ALDH6A1: variants seen among roughly 807,000 people sequenced by gnomAD.
The protein encoded by ALDH6A1 is methylmalonate-semialdehyde/malonate-semialdehyde dehydrogenase [acylating], mitochondrial.
ALDH6A1 carries 43 observed loss-of-function variants against 62.6 expected under a neutral mutation model. The ratio of observed to expected loss-of-function variants is 0.69; its 90% CI spans 0.54 to 0.89. The LOEUF is 0.89. Among genes scored for constraint, ALDH6A1 ranks in the 40% least tolerant of loss-of-function variants. The probability of loss-of-function intolerance (pLI) is 0.00; values close to 1 mark genes in which losing one functional copy is unlikely to be tolerated. For missense variants in ALDH6A1, 551 were observed against 661.3 expected (o/e 0.83, Z 1.83); for synonymous variants, 194 against 234.2 (o/e 0.83, Z 1.57).
At chr14:74,068,822 T>C (rs1292056668) in intron 7 of ALDH6A1, 38 bp downstream of exon 7, 7 of 1,611,264 alleles carry the variant, frequency 4.3e-6, no homozygotes, top group Admixed American at 1.7e-5. Flanking sequence ...TTTTCATATA[T>C]AGAACAAAGA....
At chr14:74,072,861 A>G (rs56314348) in intron 2 of ALDH6A1, among the ~76,000 whole-genome samples, 36,554 of 151,488 alleles carry the variant, frequency 0.24, 4,971 homozygotes, top group South Asian at 0.46. Context: ...ACACAGTGGT[A>G]TGATCTCGGC....
intron 1 of ALDH6A1, chr14:74,080,946 C>T (rs972391987): frequency 6.6e-6 from 1 of 152,272 alleles, no homozygotes; most frequent in Non-Finnish European, 1.5e-5. Flanking sequence ...CTACTTTCCT[C>T]CCTGTTCTCT....
Position 74,057,205 on chromosome 14 carries a change from T to A in ALDH6A1, c.*3437A>T. On this transcript the variant is annotated 3_prime_UTR_variant, in exon 12 of 12. Transcript: ENST00000553458. ...CCAGCAAATTGCAATATCAGACTCT[T>A]CTGGTGAAGTGGTGCTACCCACTAT... is the stretch of plus-strand genomic sequence containing the variant. The A allele has an allele frequency of 6.2e-7, 1 of 1,614,114 alleles. No individual in the cohort carries two copies. Among genetic ancestry groups the A allele is most frequent in the Non-Finnish European group, 8.5e-7 (1 of 1,179,986 alleles).
rs779639520 is a variant in ALDH6A1 at position 74,057,200 on chromosome 14, A to C, written c.*3442T>G. 15 of 1,613,844 alleles carry C rather than the reference A, an allele frequency of 9.3e-6. 1 individual carries two copies. The South Asian group carries it at 1.6e-4, about 18-fold the overall frequency. On this transcript the variant is annotated 3_prime_UTR_variant, in exon 12 of 12. Coordinates refer to ENST00000553458, the MANE Select transcript of ALDH6A1 (RefSeq NM_005589.4). ...ATCACCCAGCAAATTGCAATATCAG[A>C]CTCTTCTGGTGAAGTGGTGCTACCC...
rs918680042 is a variant in ALDH6A1 at position 74,059,592 on chromosome 14, G to C, written c.*1050C>G. The C allele has an allele frequency of 5.7e-5, 15 of 261,844 alleles. No homozygotes were observed. The highest frequency in any genetic ancestry group is 1.5e-5 in the Non-Finnish European group (2 of 132,144). 16.2% of individuals were successfully genotyped at this position (261,844 alleles called of 1,614,324 possible). ...TGCCTGTAATCCCAGCTACTAGGGGGGCTGAGGCAGGAGAATCGCTTGAAC... is the reference window on the plus strand; with the variant it reads ...TGCCTGTAATCCCAGCTACTAGGGGCGCTGAGGCAGGAGAATCGCTTGAAC... On this transcript the variant is annotated 3_prime_UTR_variant, in exon 12 of 12. Coordinates refer to ENST00000553458, the MANE Select transcript of ALDH6A1 (RefSeq NM_005589.4).
At chr14:74,084,071 G>T (rs1415751769) in intron 1 of ALDH6A1, among the ~76,000 whole-genome samples, 1 of 152,148 alleles carries the variant, frequency 6.6e-6, no homozygotes, top group African/African-American at 2.4e-5. Flanking sequence ...CAGGGAGCGG[G>T]CAGAGCTGGA....
In ALDH6A1 at chr14:74,059,289, C is replaced by A; in HGVS notation, c.*1353G>T. On this transcript the variant is annotated 3_prime_UTR_variant, in exon 12 of 12. Transcript: ENST00000553458. The stretch of plus-strand genomic sequence containing the variant: ...AGAGAAAAGAATATATAAAATTTGG[C>A]AAGTAATAGCAGGTTAGATTTGCTT... 4.9e-6 allele frequency: 2 copies of A among 406,584 alleles called. No individual in the cohort carries two copies. The highest frequency in any genetic ancestry group is 2.1e-5 in the African/African-American group (1 of 47,626). The allele number at this position is 406,584 out of a possible 1,614,324, so 25.2% of individuals were successfully genotyped here.
In ALDH6A1 at chr14:74,067,527, C is replaced by A; in HGVS notation, c.895G>T (p.Glu299Ter). 1.2e-6 allele frequency: 2 copies of A among 1,614,154 alleles called. No homozygotes were observed. The highest frequency in any genetic ancestry group is 1.7e-6 in the Non-Finnish European group (2 of 1,180,024). Residue 299 changes from glutamate to a stop codon, truncating the protein, a stop_gained, in exon 8 of 12, where the codon GAA (glutamate) becomes TAA (stop). Transcript: ENST00000553458. LOFTEE classifies it high-confidence loss of function. ...HGVVMPDANK[E>*]NTLNQLVGAA... ...CCAACCAGCTGGTTCAGGGTATTTTCCTTATTGGCATCTGGCATGACTACC... is the reference window on the plus strand; with the variant it reads ...CCAACCAGCTGGTTCAGGGTATTTTACTTATTGGCATCTGGCATGACTACC...
chr14:74,084,315 C>A, intron 1 of ALDH6A1, 32 bp downstream of exon 1: 1 of 1,613,704 alleles, frequency 6.2e-7, no homozygotes, highest in South Asian at 1.1e-5. Flanking sequence ...CAATTCCTAG[C>A]TTCATGGTGC....
chr14:74,057,441 A>G lies in ALDH6A1; in HGVS notation c.*3201T>C, dbSNP rs1566820109. On this transcript the variant is annotated 3_prime_UTR_variant, in exon 12 of 12. Coordinates refer to ENST00000553458, the MANE Select transcript of ALDH6A1 (RefSeq NM_005589.4). ...AGCAATATCCGTACAAATGCATATT[A>G]TACTAATGCAAATGCAAATGTGTGC... 5 of 1,480,046 alleles carry G rather than the reference A, an allele frequency of 3.4e-6. No homozygotes were observed. The East Asian group carries it at 1.3e-4, about 37-fold the overall frequency. The allele number at this position is 1,480,046 out of a possible 1,614,324, so 91.7% of individuals were successfully genotyped here.
At chr14:74,069,015 G>T in intron 6 of ALDH6A1, 34 bp from the exon 7 acceptor site, 1 of 1,608,852 alleles carries the variant, frequency 6.2e-7, no homozygotes, top group South Asian at 1.1e-5. Context: ...ACTCACAAAG[G>T]AGCAAATGGA....
At position 74,078,664 on chromosome 14, in the gene ALDH6A1, A is replaced by T. The variant is rs551436018; in HGVS notation, c.49-3647T>A. ...TGCCTCAGCTTTCTGAGTAGCTGGG[A>T]TTACAGGCATGTGCCACCACATCCA... On this transcript the variant is annotated intron_variant, in intron 1 of 11. Transcript: ENST00000553458. 1.0e-3 allele frequency among the ~76,000 whole-genome samples: 156 copies of T among 152,146 alleles called. 2 individuals carry two copies. Among genetic ancestry groups the T allele is most frequent in the Admixed American group, 9.3e-3 (142 of 15,296 alleles).
At chr14:74,062,207 A>T (rs555293509) in intron 11 of ALDH6A1, among the ~76,000 whole-genome samples, 117 of 152,236 alleles carry the variant, frequency 7.7e-4, no homozygotes, top group African/African-American at 2.6e-3. Flanking sequence ...CAAAAAAATA[A>T]ATAAATGGAG....
At position 74,060,023 on chromosome 14, in the gene ALDH6A1, G is replaced by T. The variant is rs1436560743; in HGVS notation, c.*619C>A. 1 of 154,418 alleles carries T rather than the reference G, an allele frequency of 6.5e-6. No homozygotes were observed. Among genetic ancestry groups the T allele is most frequent in the African/African-American group, 2.4e-5 (1 of 41,462 alleles). The allele number at this position is 154,418 out of a possible 1,614,324, so 9.6% of individuals were successfully genotyped here. A position where few individuals can be genotyped will look rare whatever the true frequency, so the allele number is the denominator to read the frequency against. ...GGGGCTAAAGAAAACTTTGCAGGAG[G>T]TCTCTCCCAGTGGCATTTAGGTAGC... On this transcript the variant is annotated 3_prime_UTR_variant, in exon 12 of 12. Coordinates refer to ENST00000553458, the MANE Select transcript of ALDH6A1 (RefSeq NM_005589.4).
chr14:74,080,061 A>G (rs995682260), intron 1 of ALDH6A1, among the ~76,000 whole-genome samples: 2 of 152,122 alleles, frequency 1.3e-5, no homozygotes, highest in Non-Finnish European at 2.9e-5. Context: ...CCAAAAAACA[A>G]AAGCAAAAGC....
At chr14:74,063,377 G>A (rs956533279) in intron 11 of ALDH6A1, among the ~76,000 whole-genome samples, 2 of 151,196 alleles carry the variant, frequency 1.3e-5, no homozygotes, top group Admixed American at 6.6e-5. Context: ...AGTAGAGGGG[G>A]TTTTGCCATG....
intron 1 of ALDH6A1, among the ~76,000 whole-genome samples, chr14:74,078,605 G>A (rs1040514444): frequency 1.3e-5 from 2 of 152,152 alleles, no homozygotes; most frequent in African/African-American, 2.4e-5. Flanking sequence ...TTGGCTCACT[G>A]CAACCTCCAC....
At chr14:74,083,460 A>G (rs2060690071) in intron 1 of ALDH6A1, among the ~76,000 whole-genome samples, 1 of 152,246 alleles carries the variant, frequency 6.6e-6, no homozygotes, top group Admixed American at 6.5e-5. Context: ...GGTTGGCTTC[A>G]GAGAGGACTC....
intron 2 of ALDH6A1, among the ~76,000 whole-genome samples, chr14:74,074,607 G>C (rs942772072): frequency 6.6e-6 from 1 of 152,086 alleles, no homozygotes; most frequent in Non-Finnish European, 1.5e-5. Flanking sequence ...ACCTACTGTG[G>C]TACAGTGTGT....
Sources: allele counts gnomAD v4.1 joint callset (sites outside exome capture counted in the v4.1 genomes callset), GRCh38; gene constraint gnomAD v4.1.1; transcripts MANE v1.5; gene names NCBI Gene and HGNC (gene_info 2026-07-23, HGNC 2026-07-21).